The following ZNF519 variants were observed in gnomAD, a reference collection of about 807,000 sequenced individuals.
The protein encoded by ZNF519 is similar to Zinc finger protein 85 (Zinc finger protein HPF4) (HTF1).
ZNF519 carries 7 observed loss-of-function variants against 7.4 expected under a neutral mutation model. The ratio of observed to expected loss-of-function variants is 0.94; its 90% CI spans 0.54 to 1.77. ZNF519 has a LOEUF of 1.77. ZNF519 is among the 40% of genes most tolerant of loss of function. The pLI, the probability that ZNF519 is intolerant of heterozygous loss-of-function variation, is 0.00. For synonymous variants in ZNF519, 179 were observed against 203.3 expected (o/e 0.88, Z 1.02); for missense variants, 586 against 623.1 (o/e 0.94, Z 0.63).
intron 1 of ZNF519, among the ~76,000 whole-genome samples, chr18:14,125,095 G>A (rs1297279839): frequency 6.6e-6 from 1 of 152,084 alleles, no homozygotes; most frequent in Non-Finnish European, 1.5e-5. Context: ...ATTCCTCCTC[G>A]TAGACTCATT....
intron 2 of ZNF519, among the ~76,000 whole-genome samples, chr18:14,087,445 A>G (rs1419334641): frequency 6.6e-6 from 1 of 152,232 alleles, no homozygotes; most frequent in Non-Finnish European, 1.5e-5. Flanking sequence ...AAAATTTTAT[A>G]AAAGTGAGCT....
chr18:14,114,264 T>G (rs540257601), intron 2 of ZNF519, among the ~76,000 whole-genome samples: 1 of 152,200 alleles, frequency 6.6e-6, no homozygotes, highest in East Asian at 1.9e-4. Flanking sequence ...AGTACTTTCA[T>G]AGTTTTGGGT....
At chr18:14,130,530 C>G (rs2046323993) in intron 1 of ZNF519, among the ~76,000 whole-genome samples, 2 of 152,108 alleles carry the variant, frequency 1.3e-5, no homozygotes, top group South Asian at 4.1e-4. Flanking sequence ...CTTTCTGGAA[C>G]AGGGACATAT....
intron 2 of ZNF519, among the ~76,000 whole-genome samples, chr18:14,110,472 T>C (rs2046214397): frequency 6.6e-6 from 1 of 151,980 alleles, no homozygotes; most frequent in Admixed American, 6.6e-5. Flanking sequence ...CCAGAATCTA[T>C]ACAGAACTCA....
rs530410092 is a variant in ZNF519, at chr18:14,112,936, CA to C, written c.131-6528del. On this transcript the variant is annotated intron_variant, in intron 2 of 2. Transcript: ENST00000590202. Reference sequence around the variant, plus strand: ...AACAATCCTATAAAGTGGACAGAACCAAAAAAGACTCAGAAGAGCCAAAGGT... The same window carrying C: ...AACAATCCTATAAAGTGGACAGAACCAAAAAGACTCAGAAGAGCCAAAGGT... Among the ~76,000 whole-genome samples, 19 of 152,114 alleles carry C rather than the reference CA, an allele frequency of 1.2e-4. No homozygotes were observed. The East Asian group carries it at 3.7e-3, about 29-fold the overall frequency.
At chr18:14,083,207 G>A (rs757384451) in intron 3 of ZNF519, among the ~76,000 whole-genome samples, 4 of 151,988 alleles carry the variant, frequency 2.6e-5, no homozygotes, top group African/African-American at 4.8e-5. Context: ...AAAATCAGCC[G>A]GGCGTGGTGA....
Position 14,100,316 on chromosome 18 carries a change from A to T in ZNF519, c.*4601T>A, listed in dbSNP as rs2046154551. The T allele has an allele frequency of 6.6e-6, 1 of 152,162 alleles. No individual in the cohort carries two copies. The highest frequency in any genetic ancestry group is 1.5e-5 in the Non-Finnish European group (1 of 68,028). The allele number at this position is 152,162 out of a possible 1,614,324, so 9.4% of individuals were successfully genotyped here. A position where few individuals can be genotyped will look rare whatever the true frequency, so the allele number is the denominator to read the frequency against. On this transcript the variant is annotated 3_prime_UTR_variant, in exon 3 of 3. Coordinates refer to ENST00000590202, the MANE Select transcript of ZNF519 (RefSeq NM_145287.4). The stretch of plus-strand genomic sequence containing the variant: ...ATGAGCCAGGAATTGTATGCTGGAA[A>T]TATTTTCCAGAGTAATGAAAACATG...
At chr18:14,092,476 G>A (rs1450272311) in intron 2 of ZNF519, among the ~76,000 whole-genome samples, 1 of 152,118 alleles carries the variant, frequency 6.6e-6, no homozygotes, top group East Asian at 1.9e-4. Flanking sequence ...CAGGTCATTG[G>A]GGAGTGAAGT....
intron 2 of ZNF519, among the ~76,000 whole-genome samples, chr18:14,118,098 G>A (rs778947261): frequency 8.5e-5 from 13 of 152,186 alleles, no homozygotes; most frequent in East Asian, 1.9e-4. Flanking sequence ...TCGCTCTGTC[G>A]TCCAGGCTGG....
At position 14,101,746 on chromosome 18, in the gene ZNF519, G is replaced by T; in HGVS notation, c.*3171C>A. On this transcript the variant is annotated 3_prime_UTR_variant, in exon 3 of 3. Transcript: ENST00000590202. Reference sequence around the variant, plus strand: ...ACCCAGGGAGATGAAGTGTCCATCAGTTCTTTGATGATGTTCTGTGTGGAG... The same window carrying T: ...ACCCAGGGAGATGAAGTGTCCATCATTTCTTTGATGATGTTCTGTGTGGAG... 1 of 398,718 alleles carries T rather than the reference G, an allele frequency of 2.5e-6. No individual in the cohort carries two copies. The allele number at this position is 398,718 out of a possible 1,614,324, so 24.7% of individuals were successfully genotyped here.
chr18:14,094,065 G>A (rs1427813522), intron 2 of ZNF519, among the ~76,000 whole-genome samples: 1 of 152,054 alleles, frequency 6.6e-6, no homozygotes, highest in African/African-American at 2.4e-5. Flanking sequence ...GCTTTAATGC[G>A]TGTGTTTCTT....
At position 14,103,423 on chromosome 18, in the gene ZNF519, A is replaced by C. The variant is rs890379715; in HGVS notation, c.*1494T>G. The C allele has an allele frequency of 6.6e-6, 1 of 152,152 alleles. No homozygotes were observed. Among genetic ancestry groups the C allele is most frequent in the African/African-American group, 2.4e-5 (1 of 41,448 alleles). 9.4% of individuals were successfully genotyped at this position (152,152 alleles called of 1,614,324 possible). On this transcript the variant is annotated 3_prime_UTR_variant, in exon 3 of 3. Transcript: ENST00000590202. The stretch of plus-strand genomic sequence containing the variant: ...ATGGGGGGAACTCACAAATATATGG[A>C]AATTAAAAATACTCCTAATTAATGT...
chr18:14,130,347 C>A (rs1182425319), intron 1 of ZNF519, among the ~76,000 whole-genome samples: 1 of 152,192 alleles, frequency 6.6e-6, no homozygotes, highest in Non-Finnish European at 1.5e-5. Flanking sequence ...TGCCACACTT[C>A]ATTCTGCCCA....
chr18:14,079,070 C>T (rs1305627675), intron 3 of ZNF519, among the ~76,000 whole-genome samples: 2 of 152,174 alleles, frequency 1.3e-5, no homozygotes, highest in Admixed American at 1.3e-4. Context: ...TTGCCTCCGA[C>T]ACAGTTGCCA....
chr18:14,116,071 C>T (rs2046244670), intron 2 of ZNF519, among the ~76,000 whole-genome samples: 1 of 152,142 alleles, frequency 6.6e-6, no homozygotes, highest in African/African-American at 2.4e-5. Context: ...AAGCCTAGTA[C>T]ACACTAAAGA....
chr18:14,086,654 C>G (rs80201502), intron 2 of ZNF519, among the ~76,000 whole-genome samples: 3,358 of 152,262 alleles, frequency 0.022, 125 homozygotes, highest in African/African-American at 0.074. Context: ...GGAGCTGTTC[C>G]GGCCCCAGGC....
At chr18:14,121,376 G>C in intron 2 of ZNF519, among the ~76,000 whole-genome samples, 1 of 151,896 alleles carries the variant, frequency 6.6e-6, no homozygotes, top group Admixed American at 6.6e-5. Flanking sequence ...ATCCATGTAA[G>C]GTAATAGATG....
intron 3 of ZNF519, chr18:14,082,938 G>T (rs7230105): frequency 0.018 from 2,704 of 152,492 alleles, 86 homozygotes; most frequent in African/African-American, 0.061. Context: ...TCCTGTCTCA[G>T]CCTGCCAAGG....
chr18:14,090,966 T>C (rs1482804223), intron 2 of ZNF519: 4 of 152,238 alleles, frequency 2.6e-5, no homozygotes. Flanking sequence ...TATTGTATTA[T>C]ACTTTGAAAA....
Sources: gnomAD v4.1 joint callset for allele counts (sites outside exome capture counted in the v4.1 genomes callset) on GRCh38, gnomAD v4.1.1 for gene constraint, MANE v1.5 for transcripts, NCBI Gene and HGNC (gene_info 2026-07-23, HGNC 2026-07-21) for gene names.